LRP6: variants seen among roughly 807,000 people sequenced by gnomAD.
LRP6 encodes the protein LDL receptor related protein 6.
LRP6 carries 43 observed loss-of-function variants against 184.1 expected under a neutral mutation model. The observed-to-expected ratio is 0.23, with a 90% CI of 0.18 to 0.30. The LOEUF is 0.30. Ranked by LOEUF, LRP6 falls within the 10% of genes least tolerant of loss-of-function variation. The pLI, the probability that LRP6 is intolerant of heterozygous loss-of-function variation, is 1.00. For missense variants in LRP6, 1,571 were observed against 2,005.3 expected (o/e 0.78, Z 4.14); for synonymous variants, 719 against 684.9 (o/e 1.05, Z -0.78).
At chr12:12,224,264 C>CT (rs1321497111) in intron 2 of LRP6, among the ~76,000 whole-genome samples, 2 of 152,270 alleles carry the variant, frequency 1.3e-5, no homozygotes, top group African/African-American at 4.8e-5. Context: ...GTGTAGTATG[C>CT]TTTTTTCCTG....
intron 1 of LRP6, among the ~76,000 whole-genome samples, chr12:12,261,402 C>CA (rs36054178): frequency 0.22 from 24,166 of 111,540 alleles, 2,235 homozygotes; most frequent in Non-Finnish European, 0.25. Flanking sequence ...GACTCCGTCT[C>CA]AAAAAAAAAA....
rs946966393 is a variant in LRP6 at position 12,164,958 on chromosome 12, C to CG, written c.1762+120dup. ...AAAAAAAAAAAAAAAAAAAAAAAGG[C>CG]GGGGGGGCAGTAAAGAAGGTTTCAA... On this transcript the variant is annotated intron_variant, in intron 8 of 22. Transcript: ENST00000261349. 150 of 225,502 alleles carry CG rather than the reference C, an allele frequency of 6.7e-4. 4 individuals are homozygous for CG. The highest frequency in any genetic ancestry group is 1.9e-3 in the South Asian group (30 of 15,428). The allele number at this position is 225,502 out of a possible 1,614,324, so 14.0% of individuals were successfully genotyped here.
chr12:12,142,443 A>G (rs540852265), intron 15 of LRP6, among the ~76,000 whole-genome samples: 1 of 152,178 alleles, frequency 6.6e-6, no homozygotes, highest in Non-Finnish European at 1.5e-5. Flanking sequence ...TCAACAAACT[A>G]AGCATGCACT....
intron 11 of LRP6, 54 bp from the exon 12 acceptor site, chr12:12,159,209 G>A (rs1862677551): frequency 3.8e-6 from 5 of 1,317,162 alleles, no homozygotes; most frequent in Middle Eastern, 1.9e-4. Flanking sequence ...AAATATGTGA[G>A]AATACAAGTG....
At chr12:12,167,178 C>G (rs544195403) in intron 7 of LRP6, among the ~76,000 whole-genome samples, 4 of 152,150 alleles carry the variant, frequency 2.6e-5, no homozygotes, top group Non-Finnish European at 4.4e-5. Flanking sequence ...AATTCTAAGA[C>G]CTTTTTAGTA....
intron 1 of LRP6, among the ~76,000 whole-genome samples, chr12:12,253,124 C>T (rs1016871287): frequency 6.6e-6 from 1 of 152,046 alleles, no homozygotes; most frequent in East Asian, 1.9e-4. Flanking sequence ...ATTAGCAGGG[C>T]GTGGTGGCGC....
chr12:12,246,949 T>C (rs1865202588), intron 1 of LRP6, among the ~76,000 whole-genome samples: 1 of 152,186 alleles, frequency 6.6e-6, no homozygotes, highest in African/African-American at 2.4e-5. Context: ...AATCCAACTT[T>C]CTTAGTCAAA....
At chr12:12,203,494 C>G in intron 2 of LRP6, 94 bp from the exon 3 acceptor site, 1 of 993,262 alleles carries the variant, frequency 1.0e-6, no homozygotes, top group Non-Finnish European at 1.6e-6. Context: ...AGGCCGCGCG[C>G]AGTGGCTCAC....
intron 2 of LRP6, among the ~76,000 whole-genome samples, chr12:12,243,514 C>T (rs1865113945): frequency 6.6e-6 from 1 of 152,180 alleles, no homozygotes; most frequent in African/African-American, 2.4e-5. Flanking sequence ...TCCTTCTTCT[C>T]TCTCTTTAAA....
At chr12:12,240,177 T>C (rs768889813) in intron 2 of LRP6, among the ~76,000 whole-genome samples, 1 of 152,202 alleles carries the variant, frequency 6.6e-6, no homozygotes, top group Non-Finnish European at 1.5e-5. Context: ...ATCACTCTTA[T>C]TTTTTAGATA....
In LRP6 at chr12:12,219,269, G is replaced by A. The variant is rs182695943; in HGVS notation, c.450-15869C>T. 2.4e-3 allele frequency among the ~76,000 whole-genome samples: 372 copies of A among 152,206 alleles called. 1 individual carries two copies. Among genetic ancestry groups the A allele is most frequent in the African/African-American group, 8.1e-3 (337 of 41,530 alleles). ...GCCCAGGCTGGAGTGCAGTGGCACC[G>A]TCTCGGCTCACTGCAACCTCCACCA... On this transcript the variant is annotated intron_variant, in intron 2 of 22. Coordinates refer to ENST00000261349, the MANE Select transcript of LRP6 (RefSeq NM_002336.3).
chr12:12,126,653 C>T, intron 20 of LRP6, 38 bp downstream of exon 20: 2 of 1,528,522 alleles, frequency 1.3e-6, no homozygotes, highest in Non-Finnish European at 1.8e-6. Context: ...TCTTGCAGGA[C>T]CAAAGACTTG....
At chr12:12,173,037 T>C (rs1441913478) in intron 7 of LRP6, among the ~76,000 whole-genome samples, 1 of 152,214 alleles carries the variant, frequency 6.6e-6, no homozygotes, top group African/African-American at 2.4e-5. Flanking sequence ...GAATCAGGCA[T>C]TGAATATTAA....
At chr12:12,243,031 TAAAGAAAACA>T (rs1300971875) in intron 2 of LRP6, among the ~76,000 whole-genome samples, 1 of 152,238 alleles carries the variant, frequency 6.6e-6, no homozygotes, top group Non-Finnish European at 1.5e-5. Flanking sequence ...AACTGAAAGC[TAAAGAAAACA>T]AAGTATTAAA....
intron 7 of LRP6, among the ~76,000 whole-genome samples, chr12:12,173,535 G>T (rs1470091720): frequency 6.6e-6 from 1 of 151,894 alleles, no homozygotes; most frequent in Non-Finnish European, 1.5e-5. Flanking sequence ...TAGAGATGGG[G>T]TTTTGCCATG....
Position 12,266,943 on chromosome 12 carries a change from C to T in LRP6, c.-208G>A, listed in dbSNP as rs1265480402. On this transcript the variant is annotated 5_prime_UTR_variant, in exon 1 of 23. Coordinates refer to ENST00000261349, the MANE Select transcript of LRP6 (RefSeq NM_002336.3). ...GCCGCTCGGCCCCGGGCTCGCGCGA[C>T]GCCAGCGTCTGCTTCCATCCCGCCG... The T allele has an allele frequency of 5.2e-6, 3 of 572,738 alleles. No homozygotes were observed. The highest frequency in any genetic ancestry group is 9.2e-6 in the Non-Finnish European group (3 of 326,868). 35.5% of individuals were successfully genotyped at this position (572,738 alleles called of 1,614,324 possible). A position where few individuals can be genotyped will look rare whatever the true frequency, so the allele number is the denominator to read the frequency against.
intron 9 of LRP6, 68 bp from the exon 10 acceptor site, chr12:12,162,487 G>A (rs1862765323): frequency 1.4e-6 from 2 of 1,424,056 alleles, no homozygotes; most frequent in Non-Finnish European, 2.0e-6. Context: ...AGAAGGTTTG[G>A]TTTGGTTTTT....
chr12:12,135,051 G>T, intron 17 of LRP6, 124 bp downstream of exon 17: 2 of 1,355,444 alleles, frequency 1.5e-6, no homozygotes, highest in Non-Finnish European at 1.0e-6. Context: ...CAAATGAATG[G>T]AACACACGCA....
intron 22 of LRP6, among the ~76,000 whole-genome samples, chr12:12,122,729 G>A (rs1392007163): frequency 6.6e-6 from 1 of 152,168 alleles, no homozygotes; most frequent in African/African-American, 2.4e-5. Context: ...CTACTTGGGT[G>A]GCTGAAGCAG....
Sources: allele counts gnomAD v4.1 joint callset (sites outside exome capture counted in the v4.1 genomes callset), GRCh38; gene constraint gnomAD v4.1.1; transcripts MANE v1.5; gene names NCBI Gene and HGNC (gene_info 2026-07-23, HGNC 2026-07-21).